Variants in ARMC9 observed in about 807,000 individuals in gnomAD.
ARMC9 encodes lisH domain-containing protein ARMC9.
Under a neutral mutation model 107.0 loss-of-function variants are expected in ARMC9, and 94 were observed. That is an observed-to-expected ratio of 0.88 (90% confidence interval 0.74 to 1.04). ARMC9 has a LOEUF of 1.04. ARMC9 is among the 50% of genes least tolerant of loss of function. The probability of loss-of-function intolerance (pLI) is 0.00; values close to 1 mark genes in which losing one functional copy is unlikely to be tolerated. For missense variants in ARMC9, 942 were observed against 1,030.1 expected (o/e 0.91, Z 1.17); for synonymous variants, 380 against 396.9 (o/e 0.96, Z 0.51).
At chr2:231,288,703 A>T (rs1482488050) in intron 17 of ARMC9, 1 of 471,066 alleles carries the variant, frequency 2.1e-6, no homozygotes, top group Non-Finnish European at 4.4e-6. Flanking sequence ...TTTGCTGCTG[A>T]CAACATCAAG....
In ARMC9 at chr2:231,355,840, C is replaced by G; in HGVS notation, c.2037C>G (p.Ala679=). ...CACCTCCCCAGACAGCCCAGCACGC[C>G]AGAAACGGCCACCCGCAGGCCCTGC... ...QHTPPQTAQH[A]RNGHPQALPA... is the part of the protein sequence containing the mutation. Residue 679 remains alanine (A), a synonymous_variant, in exon 22 of 25, where the codon GCC becomes GCG. Transcript: ENST00000611582. The G allele has an allele frequency of 6.5e-7, 1 of 1,536,150 alleles. No individual in the cohort carries two copies. Among genetic ancestry groups the G allele is most frequent in the Non-Finnish European group, 8.7e-7 (1 of 1,146,910 alleles).
chr2:231,371,815 G>T lies in ARMC9; in HGVS notation c.*280G>T. The T allele has an allele frequency of 2.7e-6, 1 of 365,954 alleles. No individual in the cohort carries two copies. The highest frequency in any genetic ancestry group is 4.9e-6 in the Non-Finnish European group (1 of 205,558). The allele number at this position is 365,954 out of a possible 1,614,324, so 22.7% of individuals were successfully genotyped here. ...TCCTGCTCACCCTTCACACACAGAG[G>T]AGAGGGGTGGCTTTTGCCCGCAGGA... On this transcript the variant is annotated 3_prime_UTR_variant, in exon 25 of 25. Coordinates refer to ENST00000611582, the MANE Select transcript of ARMC9 (RefSeq NM_001352754.2).
In ARMC9 at chr2:231,362,320, A is replaced by T. The variant is rs114199398; in HGVS notation, c.2261+1437A>T. On this transcript the variant is annotated intron_variant, in intron 23 of 24. Coordinates refer to ENST00000611582, the MANE Select transcript of ARMC9 (RefSeq NM_001352754.2). The surrounding 1 kb of genome is among the most constrained non-coding windows in gnomAD (Gnocchi z 4.7). ...ATCTCATGCCCCCAGTCCAGACTGGATCCTCCCCTGCGGTTCAGCCAGGCC... is the reference window on the plus strand; with the variant it reads ...ATCTCATGCCCCCAGTCCAGACTGGTTCCTCCCCTGCGGTTCAGCCAGGCC... 7.8e-3 allele frequency among the ~76,000 whole-genome samples: 1,183 copies of T among 152,248 alleles called. 14 individuals carry two copies. The highest frequency in any genetic ancestry group is 0.027 in the African/African-American group (1,126 of 41,550).
intron 19 of ARMC9, among the ~76,000 whole-genome samples, chr2:231,304,807 A>G (rs1018995554): frequency 6.6e-6 from 1 of 152,230 alleles, no homozygotes; most frequent in Non-Finnish European, 1.5e-5. Flanking sequence ...ACAATGGCAG[A>G]TATAGGTTTC....
In ARMC9 at chr2:231,374,643, A is replaced by G. The variant is rs1164335256; in HGVS notation, c.*3108A>G. 6.6e-6 allele frequency: 1 copy of G among 152,216 alleles called. No homozygotes were observed. Among genetic ancestry groups the G allele is most frequent in the Non-Finnish European group, 1.5e-5 (1 of 68,040 alleles). 9.4% of individuals were successfully genotyped at this position (152,216 alleles called of 1,614,324 possible). A position where few individuals can be genotyped will look rare whatever the true frequency, so the allele number is the denominator to read the frequency against. On this transcript the variant is annotated 3_prime_UTR_variant, in exon 25 of 25. Coordinates refer to ENST00000611582, the MANE Select transcript of ARMC9 (RefSeq NM_001352754.2). Reference sequence around the variant, plus strand: ...AAAAGGTAAAGAAAAGAAATCCATGATAAAATATCAAACTTTTTAATAAAA... The same window carrying G: ...AAAAGGTAAAGAAAAGAAATCCATGGTAAAATATCAAACTTTTTAATAAAA...
At chr2:231,330,554 T>C (rs1231518099) in intron 19 of ARMC9, among the ~76,000 whole-genome samples, 1 of 152,088 alleles carries the variant, frequency 6.6e-6, no homozygotes, top group Non-Finnish European at 1.5e-5. Flanking sequence ...ACTTACATTG[T>C]GGGGTGGGGG....
chr2:231,302,108 CTAAGTTGTAGTCATTAAA>C (rs2041768447), intron 19 of ARMC9, among the ~76,000 whole-genome samples: 1 of 151,908 alleles, frequency 6.6e-6, no homozygotes, highest in African/African-American at 2.4e-5. Flanking sequence ...ATTTTTTCAT[CTAAGTTGTAGTCATTAAA>C]TATGTTATGC....
chr2:231,259,211 C>T (rs1234993987), intron 11 of ARMC9, 109 bp downstream of exon 11: 3 of 956,872 alleles, frequency 3.1e-6, no homozygotes, highest in African/African-American at 1.7e-5. Context: ...ATCTTTCTTC[C>T]CCGCTGTCTG....
intron 5 of ARMC9, among the ~76,000 whole-genome samples, chr2:231,217,699 T>C (rs2033669935): frequency 6.6e-6 from 1 of 152,058 alleles, no homozygotes; most frequent in African/African-American, 2.4e-5. Flanking sequence ...AACACACATA[T>C]GTTTTGTTTG....
chr2:231,338,339 C>G (rs2044269199), intron 20 of ARMC9, among the ~76,000 whole-genome samples: 1 of 151,910 alleles, frequency 6.6e-6, no homozygotes, highest in African/African-American at 2.4e-5. Context: ...GTGCCTCAGC[C>G]TCAGCCTCCC....
At chr2:231,254,834 T>C (rs2037618325) in intron 9 of ARMC9, among the ~76,000 whole-genome samples, 1 of 152,166 alleles carries the variant, frequency 6.6e-6, no homozygotes, top group African/African-American at 2.4e-5. Context: ...CTAATCTTGC[T>C]TGCTTTCTTC....
At chr2:231,290,401 TAACTGAA>T (rs1297790026) in intron 17 of ARMC9, among the ~76,000 whole-genome samples, 2 of 152,246 alleles carry the variant, frequency 1.3e-5, no homozygotes, top group African/African-American at 4.8e-5. Flanking sequence ...TTGGCTCATG[TAACTGAA>T]AAGTCCAGGA....
At chr2:231,280,330 T>C (rs1304669937) in intron 16 of ARMC9, among the ~76,000 whole-genome samples, 4 of 152,130 alleles carry the variant, frequency 2.6e-5, no homozygotes, top group African/African-American at 9.7e-5. Flanking sequence ...TGGTGGCTTG[T>C]GCCTGTAATC....
At chr2:231,219,748 G>A (rs1199757295) in intron 5 of ARMC9, among the ~76,000 whole-genome samples, 1 of 151,766 alleles carries the variant, frequency 6.6e-6, no homozygotes, top group Admixed American at 6.6e-5. Flanking sequence ...CTGACTAAAT[G>A]TATATTAGAC....
At chr2:231,322,961 G>A (rs1450616555) in intron 19 of ARMC9, among the ~76,000 whole-genome samples, 1 of 152,200 alleles carries the variant, frequency 6.6e-6, no homozygotes, top group Non-Finnish European at 1.5e-5. Context: ...AGTTAGCACA[G>A]TGGCTGGTGC....
chr2:231,217,658 C>T (rs1234284801), intron 5 of ARMC9, among the ~76,000 whole-genome samples: 1 of 151,864 alleles, frequency 6.6e-6, no homozygotes, highest in Non-Finnish European at 1.5e-5. Context: ...ACAGAATTGA[C>T]TTTTTCAGGA....
chr2:231,246,320 A>T (rs763895621), intron 9 of ARMC9, among the ~76,000 whole-genome samples: 9 of 152,172 alleles, frequency 5.9e-5, no homozygotes, highest in Non-Finnish European at 1.3e-4. Context: ...TAGTGAGCAT[A>T]ATCCTGAGAG....
chr2:231,285,256 A>T (rs2040506537), intron 17 of ARMC9, among the ~76,000 whole-genome samples: 1 of 152,042 alleles, frequency 6.6e-6, no homozygotes, highest in Non-Finnish European at 1.5e-5. Flanking sequence ...TGATAGCCAG[A>T]TCTGTTAATA....
At chr2:231,324,162 C>CT (rs1164239548) in intron 19 of ARMC9, among the ~76,000 whole-genome samples, 1 of 106,732 alleles carries the variant, frequency 9.4e-6, no homozygotes, top group African/African-American at 3.7e-5. Flanking sequence ...TAGTCTTGCT[C>CT]TGTTGCCCAG....
Sources: allele counts gnomAD v4.1 joint callset (sites outside exome capture counted in the v4.1 genomes callset), GRCh38; gene constraint gnomAD v4.1.1; non-coding constraint Gnocchi (gnomAD v3.1); transcripts MANE v1.5; gene names NCBI Gene and HGNC (gene_info 2026-07-23, HGNC 2026-07-21).